FAT3: variants seen among roughly 807,000 people sequenced by gnomAD.
FAT3 encodes FAT atypical cadherin 3.
FAT3 carries 95 observed loss-of-function variants against 310.2 expected under a neutral mutation model. That is an observed-to-expected ratio of 0.31 (90% confidence interval 0.26 to 0.36). The LOEUF (loss-of-function observed/expected upper bound fraction) is 0.36. Ranked by LOEUF, FAT3 falls within the 10% of genes least tolerant of loss-of-function variation. The probability of loss-of-function intolerance (pLI) is 1.00; values close to 1 mark genes in which losing one functional copy is unlikely to be tolerated. For missense variants in FAT3, 5,408 were observed against 5,715.6 expected, an observed-to-expected ratio of 0.95 and a Z score of 1.74; for synonymous variants, 2,314 against 2,192.9, an observed-to-expected ratio of 1.06 and a Z score of -1.54.
intron 1 of FAT3, among the ~76,000 whole-genome samples, chr11:92,340,297 G>C (rs1296076251): frequency 6.6e-6 from 1 of 152,022 alleles, no homozygotes; most frequent in East Asian, 1.9e-4. Flanking sequence ...TCCTATGGAG[G>C]GGATGAGAGT....
chr11:92,783,571 C>A (rs1946812209), intron 7 of FAT3, among the ~76,000 whole-genome samples: 3 of 150,254 alleles, frequency 2.0e-5, no homozygotes, highest in Admixed American at 1.3e-4. Flanking sequence ...CTTTGGGAGG[C>A]CAAGGTGGAA....
chr11:92,569,058 T>C (rs1955577673), intron 3 of FAT3, among the ~76,000 whole-genome samples: 1 of 152,204 alleles, frequency 6.6e-6, no homozygotes, highest in Admixed American at 6.6e-5. Context: ...CCCAGTCAGC[T>C]GTCACATAAC....
At chr11:92,226,082 G>T (rs1301144549) in intron 1 of FAT3, among the ~76,000 whole-genome samples, 1 of 152,150 alleles carries the variant, frequency 6.6e-6, no homozygotes, top group African/African-American at 2.4e-5. Flanking sequence ...CCCTCTACAG[G>T]CCAGTGTGTG....
In FAT3 at chr11:92,893,168, A is replaced by T. The variant is rs1949953690; in HGVS notation, c.*2055A>T. 6.6e-6 allele frequency: 1 copy of T among 152,014 alleles called. No homozygotes were observed. The highest frequency in any genetic ancestry group is 1.5e-5 in the Non-Finnish European group (1 of 67,998). 9.4% of individuals were successfully genotyped at this position (152,014 alleles called of 1,614,324 possible). ...TTCTGAATGTTTATGCAAAAAAAAA[A>T]ATCCTTTTTCATTCCCAAACTTTCT... On this transcript the variant is annotated 3_prime_UTR_variant, in exon 28 of 28. Coordinates refer to ENST00000525166, the MANE Select transcript of FAT3 (RefSeq NM_001367949.2).
At chr11:92,561,087 A>G (rs1381916463) in intron 3 of FAT3, among the ~76,000 whole-genome samples, 3 of 152,200 alleles carry the variant, frequency 2.0e-5, no homozygotes, top group East Asian at 1.9e-4. Flanking sequence ...TATCTGTGGG[A>G]AAGAAAATTT....
chr11:92,252,899 G>A (rs1421444450), intron 1 of FAT3, among the ~76,000 whole-genome samples: 1 of 149,830 alleles, frequency 6.7e-6, no homozygotes, highest in Non-Finnish European at 1.5e-5. Context: ...TGCTGAAAAG[G>A]CATCTCTTCA....
chr11:92,699,150 G>A (rs1792338), intron 4 of FAT3, among the ~76,000 whole-genome samples: 83,321 of 152,062 alleles, frequency 0.55, 23,932 homozygotes, highest in African/African-American at 0.72. Context: ...ATTGGGGTCT[G>A]GAATATCATT....
chr11:92,734,739 G>T (rs79771344), intron 4 of FAT3, among the ~76,000 whole-genome samples: 2,597 of 152,230 alleles, frequency 0.017, 70 homozygotes, highest in African/African-American at 0.06. Context: ...CAAGGTGTGT[G>T]TAACAAAACC....
rs1316515189 is a variant in FAT3, at chr11:92,875,045, TTAA to T, written c.12128-5680_12128-5678del. Among the ~76,000 whole-genome samples the T allele has an allele frequency of 1.3e-4, 20 of 152,100 alleles. No homozygotes were observed. The East Asian group carries it at 2.9e-3, about 22-fold the overall frequency. On this transcript the variant is annotated intron_variant, in intron 22 of 27. Coordinates refer to ENST00000525166, the MANE Select transcript of FAT3 (RefSeq NM_001367949.2). ...ATCATTATTGATATTTTTGAAAGTATTAATAATAGGGCTAATACCAGGATAATG... is the reference window on the plus strand; with the variant it reads ...ATCATTATTGATATTTTTGAAAGTATTAATAGGGCTAATACCAGGATAATG...
At chr11:92,764,739 C>T in intron 5 of FAT3, 140 bp from the exon 6 acceptor site, 5 of 754,374 alleles carry the variant, frequency 6.6e-6, no homozygotes, top group South Asian at 5.6e-5. Flanking sequence ...GTCTTTACTC[C>T]CCAGACCTCT....
intron 1 of FAT3, among the ~76,000 whole-genome samples, chr11:92,249,244 T>A (rs2134273389): frequency 6.6e-6 from 1 of 152,142 alleles, no homozygotes; most frequent in African/African-American, 2.4e-5. Flanking sequence ...CAGGGAGTAA[T>A]TGAGATGGCA....
At chr11:92,305,489 G>C (rs1175363427) in intron 1 of FAT3, among the ~76,000 whole-genome samples, 1 of 152,086 alleles carries the variant, frequency 6.6e-6, no homozygotes, top group African/African-American at 2.4e-5. Flanking sequence ...TAGTCCCAAA[G>C]TATCTCCCCA....
At chr11:92,817,322 C>T (rs1455065615) in intron 13 of FAT3, among the ~76,000 whole-genome samples, 2 of 152,176 alleles carry the variant, frequency 1.3e-5, no homozygotes, top group African/African-American at 4.8e-5. Flanking sequence ...CAGTAAATTG[C>T]ATTAATAGAA....
intron 3 of FAT3, among the ~76,000 whole-genome samples, chr11:92,597,467 A>G (rs752230034): frequency 3.3e-5 from 5 of 152,172 alleles, no homozygotes; most frequent in African/African-American, 7.2e-5. Flanking sequence ...TACCATGTGC[A>G]TTATTCAGGC....
chr11:92,372,250 T>A (rs2134721266), intron 2 of FAT3, among the ~76,000 whole-genome samples: 1 of 152,208 alleles, frequency 6.6e-6, no homozygotes, highest in South Asian at 2.1e-4. Context: ...ATCTGTCTTT[T>A]ATCAATGAGT....
intron 3 of FAT3, among the ~76,000 whole-genome samples, chr11:92,638,847 T>A (rs1941860614): frequency 1.3e-5 from 2 of 152,140 alleles, no homozygotes; most frequent in Admixed American, 1.3e-4. Context: ...TGACGATTGG[T>A]CTGGTAGTGA....
At chr11:92,663,777 G>A (rs1942869349) in intron 3 of FAT3, among the ~76,000 whole-genome samples, 1 of 152,084 alleles carries the variant, frequency 6.6e-6, no homozygotes, top group Non-Finnish European at 1.5e-5. Context: ...GCTTAAAGAA[G>A]ACCCACACCA....
At chr11:92,726,420 A>G (rs1945000360) in intron 4 of FAT3, among the ~76,000 whole-genome samples, 3 of 152,182 alleles carry the variant, frequency 2.0e-5, no homozygotes, top group African/African-American at 2.4e-5. Context: ...ACACAGAACA[A>G]CCATAACAAT....
rs1948617677 is a variant in FAT3, at chr11:92,844,065, T to C, written c.10698T>C (p.Pro3566=). The C allele has an allele frequency of 1.2e-6, 2 of 1,613,980 alleles. No homozygotes were observed. The highest frequency in any genetic ancestry group is 1.7e-6 in the Non-Finnish European group (2 of 1,179,894). The change falls in exon 19 of 28, where the codon CCT becomes CCC. Residue 3566 remains proline (P), a synonymous_variant. Transcript: ENST00000525166. ...IFIVTMEDDF[P]GGVIGKIHAT... ...TTGTCACCATGGAGGATGACTTTCC[T>C]GGTGGGGTCATTGGGAAGATTCATG...
Sources: allele counts gnomAD v4.1 joint callset (sites outside exome capture counted in the v4.1 genomes callset), GRCh38; gene constraint gnomAD v4.1.1; transcripts MANE v1.5; gene names NCBI Gene and HGNC (gene_info 2026-07-23, HGNC 2026-07-21).